ATXN1: variants seen among roughly 807,000 people sequenced by gnomAD.
ATXN1 encodes ataxin-1.
ATXN1 carries 8 observed loss-of-function variants against 56.4 expected under a neutral mutation model. The observed-to-expected ratio is 0.14, with a 90% CI of 0.08 to 0.26. The LOEUF (loss-of-function observed/expected upper bound fraction) is 0.26, where lower values mean the gene tolerates loss of function less well. Among genes scored for constraint, ATXN1 ranks in the 10% least tolerant of loss-of-function variants. The pLI is 1.00. For missense variants in ATXN1, 987 were observed against 1,106.5 expected (o/e 0.89, Z 1.53); for synonymous variants, 514 against 494.6 (o/e 1.04, Z -0.52).
At chr6:16,453,456 G>A (rs576625364) in intron 6 of ATXN1, among the ~76,000 whole-genome samples, 13 of 152,138 alleles carry the variant, frequency 8.5e-5, no homozygotes, top group East Asian at 1.9e-4. Context: ...GTGAGACTCC[G>A]TCTCAAAAAT....
In ATXN1 at chr6:16,327,723, C is replaced by CTGCTGCTGCTGCTGA. The variant is rs1760867217; in HGVS notation, c.587_588insTCAGCAGCAGCAGCA (p.Glu196delinsAspGlnGlnGlnGlnGln). The CTGCTGCTGCTGCTGA allele has an allele frequency of 6.2e-7, 1 of 1,606,432 alleles. No homozygotes were observed. The highest frequency in any genetic ancestry group is 8.5e-7 in the Non-Finnish European group (1 of 1,179,648). Reference sequence around the variant, plus strand: ...GCTGCTGCTGCTGCTGCTGCTGCTGCTCAGCCTTGTGTCCCGGCGTCTGGC... The same window carrying CTGCTGCTGCTGCTGA: ...GCTGCTGCTGCTGCTGCTGCTGCTGCTGCTGCTGCTGCTGATCAGCCTTGTGTCCCGGCGTCTGGC... On this transcript the variant is annotated protein_altering_variant, in exon 7 of 8. Transcript: ENST00000436367.
At chr6:16,569,476 A>G (rs1352829081) in intron 4 of ATXN1, among the ~76,000 whole-genome samples, 1 of 149,586 alleles carries the variant, frequency 6.7e-6, no homozygotes, top group East Asian at 2.1e-4. Context: ...GTAGTGAGCC[A>G]AGCTCACACC....
At chr6:16,598,628 C>T (rs1451625713) in intron 3 of ATXN1, among the ~76,000 whole-genome samples, 2 of 152,180 alleles carry the variant, frequency 1.3e-5, no homozygotes, top group Admixed American at 6.6e-5. Context: ...TTTCCCCTCT[C>T]TTTCTACACA....
intron 6 of ATXN1, among the ~76,000 whole-genome samples, chr6:16,333,245 T>G (rs1387080472): frequency 1.3e-5 from 2 of 152,262 alleles, no homozygotes; most frequent in African/African-American, 4.8e-5. Flanking sequence ...TTAAAAAGGC[T>G]ATTATCATAA....
intron 3 of ATXN1, among the ~76,000 whole-genome samples, chr6:16,654,541 TAAA>T (rs1212773515): frequency 8.2e-6 from 1 of 122,540 alleles, no homozygotes; most frequent in African/African-American, 3.2e-5. Context: ...GACTCTGCCT[TAAA>T]AAAAAAAAAA....
intron 1 of ATXN1, among the ~76,000 whole-genome samples, chr6:16,757,727 C>T (rs770934653): frequency 7.2e-5 from 11 of 152,218 alleles, no homozygotes; most frequent in Non-Finnish European, 1.5e-4. Context: ...ATTATCTTTT[C>T]TTTCAAATAC....
intron 7 of ATXN1, among the ~76,000 whole-genome samples, chr6:16,316,894 A>C (rs1255591396): frequency 5.0e-5 from 4 of 79,836 alleles, no homozygotes; most frequent in South Asian, 5.6e-4. Flanking sequence ...TTTTTTTTTA[A>C]CCAGCCAGAA....
chr6:16,356,679 T>C (rs940036056), intron 6 of ATXN1, among the ~76,000 whole-genome samples: 3 of 152,166 alleles, frequency 2.0e-5, no homozygotes, highest in Admixed American at 6.6e-5. Context: ...TTGAAATTCT[T>C]TGGGGGAAAA....
At chr6:16,727,610 T>C (rs1023833098) in intron 2 of ATXN1, among the ~76,000 whole-genome samples, 1 of 152,182 alleles carries the variant, frequency 6.6e-6, no homozygotes, top group African/African-American at 2.4e-5. Context: ...TATATAATCA[T>C]ATAATGCATG....
At position 16,452,652 on chromosome 6, in the gene ATXN1, T is replaced by G. The variant is rs182821369; in HGVS notation, c.-161+33320A>C. ...GGTGTGAGATTTTAAAGACATTCCTTCCTGTCAAAAGGATGGCGTCAAATG... is the reference window on the plus strand; with the variant it reads ...GGTGTGAGATTTTAAAGACATTCCTGCCTGTCAAAAGGATGGCGTCAAATG... On this transcript the variant is annotated intron_variant, in intron 6 of 7. Coordinates refer to ENST00000436367, the MANE Select transcript of ATXN1 (RefSeq NM_001128164.2). Among the ~76,000 whole-genome samples the G allele has an allele frequency of 4.6e-5, 7 of 152,322 alleles. No homozygotes were observed. The East Asian group carries it at 1.3e-3, about 29-fold the overall frequency.
intron 4 of ATXN1, among the ~76,000 whole-genome samples, chr6:16,571,792 C>G (rs1467872711): frequency 1.3e-5 from 2 of 152,170 alleles, no homozygotes; most frequent in Non-Finnish European, 2.9e-5. Context: ...TCCCAAGTAG[C>G]TAGGACTACA....
chr6:16,334,584 G>A (rs928614550), intron 6 of ATXN1, among the ~76,000 whole-genome samples: 1 of 152,080 alleles, frequency 6.6e-6, no homozygotes, highest in Non-Finnish European at 1.5e-5. Context: ...AGGCATGGTG[G>A]TTTGCATCTG....
At chr6:16,459,322 C>T (rs1759944270) in intron 6 of ATXN1, among the ~76,000 whole-genome samples, 1 of 152,170 alleles carries the variant, frequency 6.6e-6, no homozygotes, top group African/African-American at 2.4e-5. Context: ...GGCTATAAGA[C>T]CCCACCACTT....
intron 3 of ATXN1, among the ~76,000 whole-genome samples, chr6:16,653,830 G>A (rs567744352): frequency 6.6e-6 from 1 of 152,334 alleles, no homozygotes; most frequent in South Asian, 2.1e-4. Flanking sequence ...ATGGCTTGAT[G>A]TTGCTTAGGT....
intron 3 of ATXN1, among the ~76,000 whole-genome samples, chr6:16,656,654 C>T (rs757675850): frequency 1.3e-5 from 2 of 152,180 alleles, no homozygotes; most frequent in Non-Finnish European, 2.9e-5. Context: ...TAAATGTTTG[C>T]TGAACAGGAC....
rs142436132 is a variant in ATXN1 at position 16,541,403 on chromosome 6, C to T, written c.-360-18715G>A. ...CCTGTTCTTAGCTTCCCAGCTTGAG[C>T]GTCTCTTTCTGTTTCTTTCTTTGGA... On this transcript the variant is annotated intron_variant, in intron 4 of 7. Coordinates refer to ENST00000436367, the MANE Select transcript of ATXN1 (RefSeq NM_001128164.2). Among the ~76,000 whole-genome samples, 776 of 152,284 alleles carry T rather than the reference C, an allele frequency of 5.1e-3. 30 individuals carry two copies. Among genetic ancestry groups the T allele is most frequent in the Admixed American group, 0.044 (671 of 15,298 alleles).
intron 2 of ATXN1, among the ~76,000 whole-genome samples, chr6:16,661,361 T>C (rs1436365597): frequency 6.6e-6 from 1 of 152,152 alleles, no homozygotes; most frequent in East Asian, 1.9e-4. Context: ...TTGTAGGCCA[T>C]TGTAAAGATA....
rs373374403 is a variant in ATXN1 at position 16,748,206 on chromosome 6, G to T, written c.-615+5027C>A. On this transcript the variant is annotated intron_variant, in intron 2 of 7. Coordinates refer to ENST00000436367, the MANE Select transcript of ATXN1 (RefSeq NM_001128164.2). ...TATGAGTAAGAGTGAAAGAAAGGGA[G>T]AAAACACCACAAAGCCTGCATGGGA... is the stretch of plus-strand genomic sequence containing the variant. Among the ~76,000 whole-genome samples the T allele has an allele frequency of 1.2e-4, 19 of 152,292 alleles. 1 individual carries two copies. Among genetic ancestry groups the T allele is most frequent in the African/African-American group, 4.3e-4 (18 of 41,566 alleles).
chr6:16,308,615 G>A (rs1760315129), intron 7 of ATXN1, among the ~76,000 whole-genome samples: 1 of 152,178 alleles, frequency 6.6e-6, no homozygotes, highest in Non-Finnish European at 1.5e-5. Flanking sequence ...AGAGGAGACA[G>A]TGAACCACAA....
Sources: gnomAD v4.1 joint callset for allele counts (sites outside exome capture counted in the v4.1 genomes callset) on GRCh38, gnomAD v4.1.1 for gene constraint, MANE v1.5 for transcripts, NCBI Gene and HGNC (gene_info 2026-07-23, HGNC 2026-07-21) for gene names.